The following CMSS1 variants were observed in gnomAD, a reference collection of about 807,000 sequenced individuals.
The protein encoded by CMSS1 is protein CMSS1.
CMSS1 carries 33 observed loss-of-function variants against 43.5 expected under a neutral mutation model. The observed-to-expected ratio is 0.76, with a 90% CI of 0.57 to 1.01. CMSS1 has a LOEUF of 1.01. Among genes scored for constraint, CMSS1 ranks in the 50% least tolerant of loss-of-function variants. The pLI is 0.00. For missense variants in CMSS1, 313 were observed against 326.4 expected (o/e 0.96, Z 0.32); for synonymous variants, 115 against 117.2 (o/e 0.98, Z 0.12).
chr3:100,106,157 C>CAG (rs1194179082), intron 1 of CMSS1, among the ~76,000 whole-genome samples: 1 of 152,112 alleles, frequency 6.6e-6, no homozygotes, highest in Non-Finnish European at 1.5e-5. Context: ...ACAGATACCA[C>CAG]ATAGTAAATC....
chr3:99,819,616 T>G (rs1342795597), intron 1 of CMSS1, among the ~76,000 whole-genome samples: 1 of 152,188 alleles, frequency 6.6e-6, no homozygotes, highest in Non-Finnish European at 1.5e-5. Flanking sequence ...TGGGAAGAGT[T>G]TAGTCAAGTG....
chr3:99,874,201 G>A (rs1289816108), intron 1 of CMSS1: 2 of 152,126 alleles, frequency 1.3e-5, no homozygotes, highest in African/African-American at 4.8e-5. Flanking sequence ...AAGACACTGG[G>A]AAACACAGCT....
intron 6 of CMSS1, among the ~76,000 whole-genome samples, chr3:100,171,344 C>T (rs1380111769): frequency 6.6e-6 from 1 of 151,806 alleles, no homozygotes; most frequent in African/African-American, 2.4e-5. Context: ...ATAGAAGCCC[C>T]CCCTCTTCCC....
intron 1 of CMSS1, among the ~76,000 whole-genome samples, chr3:99,826,523 A>C (rs892509958): frequency 6.6e-6 from 1 of 152,240 alleles, no homozygotes; most frequent in Non-Finnish European, 1.5e-5. Context: ...GTCACAAAAT[A>C]GTCTTATTTT....
intron 1 of CMSS1, among the ~76,000 whole-genome samples, chr3:99,852,432 A>G (rs1419089988): frequency 2.6e-5 from 4 of 151,860 alleles, no homozygotes; most frequent in Non-Finnish European, 5.9e-5. Context: ...ATTTGAGAGA[A>G]CTTTTTATTT....
intron 1 of CMSS1, among the ~76,000 whole-genome samples, chr3:99,941,781 G>A (rs1454112666): frequency 6.6e-6 from 1 of 151,946 alleles, no homozygotes; most frequent in Non-Finnish European, 1.5e-5. Flanking sequence ...TAAAAAATTT[G>A]GAAAAAATAT....
At chr3:99,933,077 G>A (rs1707537861) in intron 1 of CMSS1, among the ~76,000 whole-genome samples, 1 of 152,146 alleles carries the variant, frequency 6.6e-6, no homozygotes, top group South Asian at 2.1e-4. Flanking sequence ...GGAAGCACGG[G>A]AAACTTATTG....
At chr3:99,975,597 A>T (rs1477034374) in intron 1 of CMSS1, among the ~76,000 whole-genome samples, 1 of 152,186 alleles carries the variant, frequency 6.6e-6, no homozygotes, top group Non-Finnish European at 1.5e-5. Context: ...AAAAAAAAAA[A>T]AATTGATACT....
At chr3:100,174,645 C>G (rs1183488059) in intron 8 of CMSS1, among the ~76,000 whole-genome samples, 1 of 152,156 alleles carries the variant, frequency 6.6e-6, no homozygotes, top group East Asian at 1.9e-4. Flanking sequence ...ATAGTCCCAG[C>G]ACCCTAAAAG....
intron 1 of CMSS1, among the ~76,000 whole-genome samples, chr3:99,900,725 C>G (rs1706408398): frequency 6.6e-6 from 1 of 152,220 alleles, no homozygotes; most frequent in Admixed American, 6.5e-5. Context: ...TGCTGATACT[C>G]AAACTGAGCT....
intron 1 of CMSS1, among the ~76,000 whole-genome samples, chr3:99,928,529 A>T (rs1707368764): frequency 6.6e-6 from 1 of 152,204 alleles, no homozygotes; most frequent in South Asian, 2.1e-4. Flanking sequence ...TTACAGAGTT[A>T]AGACTGCAAG....
intron 1 of CMSS1, among the ~76,000 whole-genome samples, chr3:100,009,101 C>G (rs1710069690): frequency 2.6e-5 from 4 of 152,102 alleles, no homozygotes; most frequent in African/African-American, 9.7e-5. Flanking sequence ...CTTCTTTGGC[C>G]TTTAAATATT....
chr3:100,069,808 G>A (rs2065729893), intron 1 of CMSS1, among the ~76,000 whole-genome samples: 1 of 152,110 alleles, frequency 6.6e-6, no homozygotes, highest in Admixed American at 6.5e-5. Flanking sequence ...CTATTTGTGA[G>A]GGCATAAGCA....
In CMSS1 at chr3:100,140,030, A is replaced by G. The variant is rs550489680; in HGVS notation, c.65-6943A>G. ...TGGGTGCAGTTACACAACTGTATGC[A>G]TTAATCAAAATCCATAGAACTCTTC... On this transcript the variant is annotated intron_variant, in intron 1 of 9. Coordinates refer to ENST00000421999, the MANE Select transcript of CMSS1 (RefSeq NM_032359.4). 1.3e-3 allele frequency among the ~76,000 whole-genome samples: 192 copies of G among 152,304 alleles called. 2 individuals carry two copies. The highest frequency in any genetic ancestry group is 4.3e-3 in the African/African-American group (179 of 41,562).
chr3:99,955,080 C>T (rs1301020365), intron 1 of CMSS1, among the ~76,000 whole-genome samples: 2 of 152,136 alleles, frequency 1.3e-5, no homozygotes, highest in Admixed American at 1.3e-4. Context: ...AGATCAAGTG[C>T]TGGGTAATTT....
At chr3:100,039,535 C>G (rs936357363) in intron 1 of CMSS1, among the ~76,000 whole-genome samples, 3 of 151,906 alleles carry the variant, frequency 2.0e-5, no homozygotes, top group Non-Finnish European at 4.4e-5. Context: ...TTATAATATG[C>G]GGGATACCAG....
chr3:100,052,622 C>T (rs2065393300), intron 1 of CMSS1, among the ~76,000 whole-genome samples: 1 of 152,174 alleles, frequency 6.6e-6, no homozygotes, highest in African/African-American at 2.4e-5. Context: ...GAAGATAGCT[C>T]AGGAGCAAGT....
At chr3:100,078,314 GAGAAAACGTAGAA>G (rs1448044381) in intron 1 of CMSS1, among the ~76,000 whole-genome samples, 2 of 152,100 alleles carry the variant, frequency 1.3e-5, no homozygotes, top group Non-Finnish European at 2.9e-5. Flanking sequence ...GATAAATCCA[GAGAAAACGTAGAA>G]CTTTGCCTAA....
At chr3:99,888,892 A>G (rs896487388) in intron 1 of CMSS1, among the ~76,000 whole-genome samples, 15 of 152,132 alleles carry the variant, frequency 9.9e-5, no homozygotes, top group African/African-American at 3.6e-4. Context: ...TTAGTTGTTT[A>G]GAATTGTGCT....
Sources: gnomAD v4.1 joint callset for allele counts (sites outside exome capture counted in the v4.1 genomes callset) on GRCh38, gnomAD v4.1.1 for gene constraint, MANE v1.5 for transcripts, NCBI Gene and HGNC (gene_info 2026-07-23, HGNC 2026-07-21) for gene names.